SYN3: variants seen among roughly 807,000 people sequenced by gnomAD.
SYN3 encodes the protein synapsin-3.
Under a neutral mutation model 65.8 loss-of-function variants are expected in SYN3, and 35 were observed. The ratio of observed to expected loss-of-function variants is 0.53; its 90% CI spans 0.41 to 0.70. The LOEUF (loss-of-function observed/expected upper bound fraction) is 0.70, where lower values mean the gene tolerates loss of function less well. Among genes scored for constraint, SYN3 ranks in the 30% least tolerant of loss-of-function variants. The pLI, the probability that SYN3 is intolerant of heterozygous loss-of-function variation, is 0.00. For synonymous variants in SYN3, 270 were observed against 292.9 expected, an observed-to-expected ratio of 0.92 and a Z score of 0.80; for missense variants, 680 against 749.0, an observed-to-expected ratio of 0.91 and a Z score of 1.08.
intron 6 of SYN3, among the ~76,000 whole-genome samples, chr22:32,843,548 G>A (rs976936148): frequency 5.9e-5 from 9 of 152,202 alleles, no homozygotes; most frequent in Non-Finnish European, 1.3e-4. Context: ...TTGTCATCCT[G>A]TGGGAGATGA....
At chr22:32,776,772 T>C (rs1405918839) in intron 6 of SYN3, among the ~76,000 whole-genome samples, 1 of 152,168 alleles carries the variant, frequency 6.6e-6, no homozygotes, top group African/African-American at 2.4e-5. Flanking sequence ...AACTGTAAAG[T>C]GCAGTGCACG....
At chr22:32,521,804 A>G (rs1020850192) in intron 12 of SYN3, among the ~76,000 whole-genome samples, 5 of 152,192 alleles carry the variant, frequency 3.3e-5, no homozygotes, top group Non-Finnish European at 1.5e-5. Context: ...CCGCAGTTCA[A>G]ATAAAACATT....
At chr22:32,556,009 C>T (rs564366460) in intron 7 of SYN3, among the ~76,000 whole-genome samples, 1 of 152,262 alleles carries the variant, frequency 6.6e-6, no homozygotes, top group South Asian at 2.1e-4. Context: ...TTCCCGAGCT[C>T]ATCAAAGGCT....
chr22:32,532,378 A>G (rs2058089860), intron 10 of SYN3, among the ~76,000 whole-genome samples: 1 of 152,300 alleles, frequency 6.6e-6, no homozygotes, highest in East Asian at 1.9e-4. Flanking sequence ...TCCAGGGAGC[A>G]ACTGTACAGG....
intron 6 of SYN3, among the ~76,000 whole-genome samples, chr22:32,809,869 A>C (rs1381684017): frequency 2.0e-5 from 3 of 152,058 alleles, no homozygotes; most frequent in African/African-American, 7.2e-5. Flanking sequence ...CCTCCTGAGA[A>C]TCTTTAGTTT....
intron 12 of SYN3, among the ~76,000 whole-genome samples, chr22:32,524,256 A>G (rs1478164052): frequency 6.6e-6 from 1 of 152,130 alleles, no homozygotes; most frequent in African/African-American, 2.4e-5. Context: ...ACAGCCTTCT[A>G]TTGGAAGAAG....
At chr22:32,685,927 G>A (rs913559843) in intron 6 of SYN3, among the ~76,000 whole-genome samples, 3 of 152,078 alleles carry the variant, frequency 2.0e-5, no homozygotes, top group African/African-American at 7.2e-5. Flanking sequence ...ATTTTTAATA[G>A]GATGGGAAAA....
At chr22:32,896,427 G>A (rs1490532259) in intron 4 of SYN3, among the ~76,000 whole-genome samples, 1 of 152,184 alleles carries the variant, frequency 6.6e-6, no homozygotes, top group Non-Finnish European at 1.5e-5. Context: ...CTGCACTCCA[G>A]CCTGGGCAAC....
intron 6 of SYN3, among the ~76,000 whole-genome samples, chr22:32,691,190 C>T (rs1406853731): frequency 6.6e-6 from 1 of 152,180 alleles, no homozygotes; most frequent in Non-Finnish European, 1.5e-5. Context: ...GCCCCGGTTC[C>T]TTCACCCATA....
intron 2 of SYN3, among the ~76,000 whole-genome samples, chr22:32,996,560 G>A (rs894784441): frequency 6.6e-6 from 1 of 152,084 alleles, no homozygotes; most frequent in Non-Finnish European, 1.5e-5. Context: ...TGTCAGCCTA[G>A]AGTTCTCTTG....
At chr22:32,526,526 G>GT (rs568535131) in intron 12 of SYN3, among the ~76,000 whole-genome samples, 8 of 151,622 alleles carry the variant, frequency 5.3e-5, no homozygotes, top group South Asian at 4.2e-4. Flanking sequence ...ATTTTATTTT[G>GT]TTTTTTTGAG....
intron 6 of SYN3, among the ~76,000 whole-genome samples, chr22:32,797,977 T>C (rs1602171394): frequency 6.6e-6 from 1 of 152,248 alleles, no homozygotes. Context: ...TTCTGCAACA[T>C]TGGGAACAAA....
rs1233286243 is a variant in SYN3, at chr22:32,980,785, G to A, written c.312-83C>T. 37 of 1,230,976 alleles carry A rather than the reference G, an allele frequency of 3.0e-5. 1 individual carries two copies. In the Middle Eastern group the frequency reaches 5.6e-4, roughly 19 times the overall value. 76.3% of individuals were successfully genotyped at this position (1,230,976 alleles called of 1,614,324 possible). A position where few individuals can be genotyped will look rare whatever the true frequency, so the allele number is the denominator to read the frequency against. ...CTTCTCCCAAAGGCCTTACCCCAGAGGTGCATATTGAGACACATCCTCAGC... is the reference window on the plus strand; with the variant it reads ...CTTCTCCCAAAGGCCTTACCCCAGAAGTGCATATTGAGACACATCCTCAGC... On this transcript the variant is annotated intron_variant, in intron 2 of 13. Coordinates refer to ENST00000358763, the MANE Select transcript of SYN3 (RefSeq NM_003490.4).
intron 3 of SYN3, among the ~76,000 whole-genome samples, chr22:32,974,999 C>T (rs191643210): frequency 2.0e-5 from 3 of 152,310 alleles, no homozygotes; most frequent in African/African-American, 7.2e-5. Flanking sequence ...TTAACCCCTA[C>T]ACCGCATTTC....
intron 3 of SYN3, among the ~76,000 whole-genome samples, chr22:32,966,454 C>T (rs1444913020): frequency 6.6e-6 from 1 of 152,084 alleles, no homozygotes; most frequent in Non-Finnish European, 1.5e-5. Flanking sequence ...CAAGGAAAGG[C>T]AGGCAGGGGC....
chr22:32,788,919 G>C (rs1402897986), intron 6 of SYN3, among the ~76,000 whole-genome samples: 1 of 152,130 alleles, frequency 6.6e-6, no homozygotes, highest in Non-Finnish European at 1.5e-5. Flanking sequence ...AGAGGAGTGG[G>C]AACAACTCGG....
At chr22:33,021,106 G>T (rs187230720) in intron 1 of SYN3, among the ~76,000 whole-genome samples, 1 of 152,064 alleles carries the variant, frequency 6.6e-6, no homozygotes, top group Non-Finnish European at 1.5e-5. Context: ...AAGGCAACAC[G>T]GCAGGTGCAG....
At chr22:33,003,160 C>T (rs1479972629) in intron 2 of SYN3, among the ~76,000 whole-genome samples, 4 of 152,196 alleles carry the variant, frequency 2.6e-5, no homozygotes, top group Non-Finnish European at 4.4e-5. Context: ...TACCCAGTCT[C>T]AGGTAGTTCT....
In SYN3 at chr22:32,510,689, G is replaced by A. The variant is rs892470454; in HGVS notation, c.*3003C>T. Reference sequence around the variant, plus strand: ...CAAACTTCAACTCCTATAGCTCTCTGTGCTTGAATCTTGTAACAGGCTGCT... The same window carrying A: ...CAAACTTCAACTCCTATAGCTCTCTATGCTTGAATCTTGTAACAGGCTGCT... On this transcript the variant is annotated 3_prime_UTR_variant, in exon 14 of 14. Transcript: ENST00000358763. Among the ~76,000 whole-genome samples, 46 of 152,256 alleles carry A rather than the reference G, an allele frequency of 3.0e-4. No homozygotes were observed. Among genetic ancestry groups the A allele is most frequent in the African/African-American group, 1.1e-3 (44 of 41,546 alleles).
Sources: allele counts gnomAD v4.1 joint callset (sites outside exome capture counted in the v4.1 genomes callset), GRCh38; gene constraint gnomAD v4.1.1; transcripts MANE v1.5; gene names NCBI Gene and HGNC (gene_info 2026-07-23, HGNC 2026-07-21).